FBXO32: variants seen among roughly 807,000 people sequenced by gnomAD.
FBXO32 encodes the protein F-box only protein 32.
Under a neutral mutation model 48.3 loss-of-function variants are expected in FBXO32, and 15 were observed. The ratio of observed to expected loss-of-function variants is 0.31; its 90% CI spans 0.21 to 0.48. The LOEUF (loss-of-function observed/expected upper bound fraction) is 0.48, where lower values mean the gene tolerates loss of function less well. Ranked by LOEUF, FBXO32 falls within the 20% of genes least tolerant of loss-of-function variation. The pLI is 0.99. For missense variants in FBXO32, 309 were observed against 432.7 expected (o/e 0.71, Z 2.54); for synonymous variants, 154 against 165.9 (o/e 0.93, Z 0.55).
Position 123,509,702 on chromosome 8 carries a change from AAAAC to A in FBXO32, c.652-3132_652-3129del, listed in dbSNP as rs141509717. ...GCAAGGGGAATAAGACCCTATCTCA[AAAAC>A]AAACAAACAAACAAACAAACAAAAA... On this transcript the variant is annotated intron_variant, in intron 6 of 8. Coordinates refer to ENST00000517956, the MANE Select transcript of FBXO32 (RefSeq NM_058229.4). 2.0e-3 allele frequency among the ~76,000 whole-genome samples: 297 copies of A among 151,702 alleles called. 2 individuals carry two copies. Among genetic ancestry groups the A allele is most frequent in the South Asian group, 8.1e-3 (39 of 4,794 alleles).
intron 4 of FBXO32, among the ~76,000 whole-genome samples, chr8:123,521,486 T>G (rs1196099715): frequency 6.6e-6 from 1 of 152,230 alleles, no homozygotes; most frequent in Non-Finnish European, 1.5e-5. Context: ...AAATTATTTA[T>G]AATGCAAACA....
chr8:123,507,368 T>C (rs1356738844), intron 6 of FBXO32, among the ~76,000 whole-genome samples: 1 of 151,874 alleles, frequency 6.6e-6, no homozygotes, highest in African/African-American at 2.4e-5. Flanking sequence ...GCTCAACAAA[T>C]ACCTGTGGAA....
chr8:123,504,645 T>C lies in FBXO32; in HGVS notation c.937A>G (p.Thr313Ala). 6.2e-7 allele frequency: 1 copy of C among 1,614,030 alleles called. No homozygotes were observed. Among genetic ancestry groups the C allele is most frequent in the Non-Finnish European group, 8.5e-7 (1 of 1,179,976 alleles). The change falls in exon 8 of 9, where the codon ACC becomes GCC. Residue 313 changes from threonine (T) to alanine (A), a missense_variant. By Grantham distance (58) the Thr-to-Ala change is moderately conservative. Transcript: ENST00000517956. ...CYPRKEQYGD[T>A]LQLCKHCHIL... ...TGACAGTGTTTGCAGAGCTGAAGGG[T>C]ATCTCCATACTGCTCTTTCCTTGGG...
intron 6 of FBXO32, among the ~76,000 whole-genome samples, chr8:123,510,210 A>G (rs1364758155): frequency 1.3e-5 from 2 of 152,244 alleles, no homozygotes; most frequent in African/African-American, 2.4e-5. Flanking sequence ...TCTGCTTTCT[A>G]TATGTTAACT....
At chr8:123,514,897 G>A (rs916643390) in intron 4 of FBXO32, among the ~76,000 whole-genome samples, 1 of 152,146 alleles carries the variant, frequency 6.6e-6, no homozygotes, top group African/African-American at 2.4e-5. Context: ...GTAGAAAGAC[G>A]CCAATCACAG....
chr8:123,531,554 G>A (rs373936303), intron 4 of FBXO32, among the ~76,000 whole-genome samples: 5 of 152,356 alleles, frequency 3.3e-5, no homozygotes, highest in African/African-American at 7.2e-5. Flanking sequence ...GCTGTTGCCA[G>A]GGCCAGCGTT....
chr8:123,538,568 C>T (rs571463028), intron 1 of FBXO32, among the ~76,000 whole-genome samples: 1 of 152,258 alleles, frequency 6.6e-6, no homozygotes, highest in East Asian at 1.9e-4. Flanking sequence ...ACCCAGACCA[C>T]AGAAGGCCAA....
intron 4 of FBXO32, among the ~76,000 whole-genome samples, chr8:123,526,231 T>G (rs1817072971): frequency 1.3e-5 from 2 of 152,014 alleles, no homozygotes; most frequent in Non-Finnish European, 2.9e-5. Context: ...TTTTTTTTTT[T>G]TGAGACAGAG....
intron 3 of FBXO32, among the ~76,000 whole-genome samples, chr8:123,532,713 TA>T (rs1441689935): frequency 2.6e-5 from 4 of 152,244 alleles, no homozygotes; most frequent in African/African-American, 9.6e-5. Flanking sequence ...AAAATATACA[TA>T]AAAGGGCTTT....
At chr8:123,514,390 A>G in intron 4 of FBXO32, 57 bp from the exon 5 acceptor site, 1 of 1,414,002 alleles carries the variant, frequency 7.1e-7, no homozygotes, top group Non-Finnish European at 9.7e-7. Flanking sequence ...TTTCTCCTCT[A>G]ATCTTCACTT....
At chr8:123,508,999 G>T (rs1422923107) in intron 6 of FBXO32, among the ~76,000 whole-genome samples, 1 of 151,742 alleles carries the variant, frequency 6.6e-6, no homozygotes, top group African/African-American at 2.4e-5. Flanking sequence ...CAAGCATTTG[G>T]CTAACATCCA....
rs1006418929 is a variant in FBXO32 at position 123,540,485 on chromosome 8, G to A, written c.116+414C>T. Among the ~76,000 whole-genome samples, 2 of 152,242 alleles carry A rather than the reference G, an allele frequency of 1.3e-5. No individual in the cohort carries two copies. The highest frequency in any genetic ancestry group is 6.5e-5 in the Admixed American group (1 of 15,288). ...ACAGCGCTTGGGCGCTGGGAGCCGG[G>A]CCACCCCGCGGTGAAGGGGCTCAGC... is the stretch of plus-strand genomic sequence containing the variant. On this transcript the variant is annotated intron_variant, in intron 1 of 8. Coordinates refer to ENST00000517956, the MANE Select transcript of FBXO32 (RefSeq NM_058229.4). This position sits in a 1 kb window ranked among gnomAD's most constrained non-coding sequence, Gnocchi z 6.4.
At chr8:123,539,419 T>C (rs749682489) in intron 1 of FBXO32, among the ~76,000 whole-genome samples, 1 of 152,288 alleles carries the variant, frequency 6.6e-6, no homozygotes, top group South Asian at 2.1e-4. Flanking sequence ...ATAAAAGACA[T>C]AGTCTGTCAA....
rs1188535847 is a variant in FBXO32 at position 123,541,168 on chromosome 8, G to A, written c.-154C>T. On this transcript the variant is annotated 5_prime_UTR_variant, in exon 1 of 9. Coordinates refer to ENST00000517956, the MANE Select transcript of FBXO32 (RefSeq NM_058229.4). The stretch of plus-strand genomic sequence containing the variant: ...CGGGGCACCCTGCGGGGTGGCGGGC[G>A]CGGAGAGGATCTCAAGCGTTGCAGG... The A allele has an allele frequency of 1.5e-5, 6 of 396,160 alleles. No individual in the cohort carries two copies. The East Asian group carries it at 2.4e-4, about 16-fold the overall frequency. The allele number at this position is 396,160 out of a possible 1,614,324, so 24.5% of individuals were successfully genotyped here. A position where few individuals can be genotyped will look rare whatever the true frequency, so the allele number is the denominator to read the frequency against.
intron 4 of FBXO32, among the ~76,000 whole-genome samples, chr8:123,520,846 G>C (rs990913321): frequency 6.6e-6 from 1 of 152,128 alleles, no homozygotes; most frequent in African/African-American, 2.4e-5. Flanking sequence ...TCCCTGATCT[G>C]GTTTCTACCC....
intron 4 of FBXO32, among the ~76,000 whole-genome samples, chr8:123,524,196 C>T (rs1817024058): frequency 6.6e-6 from 1 of 152,166 alleles, no homozygotes; most frequent in South Asian, 2.1e-4. Flanking sequence ...GTGGTGTGGG[C>T]ATCTCCCACT....
In FBXO32 at chr8:123,501,377, A is replaced by AAAAAAACAAG. The variant is rs1164929757; in HGVS notation, c.*1995_*1996insCTTGTTTTTT. ...GAGAGGGATTGCAAAAAAAAAACAA[A>AAAAAAACAAG]AAAAAACAAAACAAAACACACACCT... On this transcript the variant is annotated 3_prime_UTR_variant, in exon 9 of 9. Transcript: ENST00000517956. 6 of 152,128 alleles carry AAAAAAACAAG rather than the reference A, an allele frequency of 3.9e-5. No individual in the cohort carries two copies. The highest frequency in any genetic ancestry group is 9.6e-5 in the African/African-American group (4 of 41,510). The allele number at this position is 152,128 out of a possible 1,614,324, so 9.4% of individuals were successfully genotyped here.
In FBXO32 at chr8:123,506,120, T is replaced by C. The variant is rs1029450711; in HGVS notation, c.834+272A>G. Among the ~76,000 whole-genome samples the C allele has an allele frequency of 3.3e-5, 5 of 152,130 alleles. No homozygotes were observed. Among genetic ancestry groups the C allele is most frequent in the African/African-American group, 1.2e-4 (5 of 41,430 alleles). On this transcript the variant is annotated intron_variant, in intron 7 of 8. Coordinates refer to ENST00000517956, the MANE Select transcript of FBXO32 (RefSeq NM_058229.4). The surrounding 1 kb of genome is among the most constrained non-coding windows in gnomAD (Gnocchi z 4.0). ...GGCATGAGCCTGTAGTCCCAGCTAC[T>C]CGGGAGGCTGAGGTGGGAGGGTTGC...
In FBXO32 at chr8:123,533,488, A is replaced by ATT. The variant is rs199715089; in HGVS notation, c.230-250_230-249dup. Among the ~76,000 whole-genome samples, 1,124 of 151,692 alleles carry ATT rather than the reference A, an allele frequency of 7.4e-3. 15 individuals are homozygous for ATT. The highest frequency in any genetic ancestry group is 0.026 in the African/African-American group (1,058 of 41,394). On this transcript the variant is annotated intron_variant, in intron 2 of 8. Coordinates refer to ENST00000517956, the MANE Select transcript of FBXO32 (RefSeq NM_058229.4). ...ATATACCAAAGCTCCAAACTACTAT[A>ATT]TTTTTTTTTCTAAAGCATTATGCCA...
Sources: allele counts gnomAD v4.1 joint callset (sites outside exome capture counted in the v4.1 genomes callset), GRCh38; gene constraint gnomAD v4.1.1; non-coding constraint Gnocchi (gnomAD v3.1); transcripts MANE v1.5; gene names NCBI Gene and HGNC (gene_info 2026-07-23, HGNC 2026-07-21).